CLIC2: variants seen among roughly 807,000 people sequenced by gnomAD.
CLIC2 encodes the protein chloride intracellular channel protein 2.
In CLIC2, 9 loss-of-function variants were observed where a neutral mutation model predicts 14.8. The ratio of observed to expected loss-of-function variants is 0.61; its 90% confidence interval spans 0.37 to 1.06. The LOEUF is 1.06. Ranked by LOEUF, CLIC2 falls within the 50% of genes least tolerant of loss-of-function variation. The pLI is 0.01. For synonymous variants in CLIC2, 61 were observed against 66.3 expected (o/e 0.92, Z 0.39); for missense variants, 148 against 181.4 (o/e 0.82, Z 1.06).
At chrX:155,330,873 G>A (rs1409944939) in intron 1 of CLIC2, among the ~76,000 whole-genome samples, 1 of 109,790 alleles carries the variant, frequency 9.1e-6, no homozygotes, top group Non-Finnish European at 1.9e-5. Flanking sequence ...ATTATGATAG[G>A]AAAGACTAGA....
intron 3 of CLIC2, among the ~76,000 whole-genome samples, chrX:155,282,872 C>A (rs1386778724): frequency 1.8e-5 from 2 of 111,627 alleles, no homozygotes; most frequent in African/African-American, 6.5e-5. Flanking sequence ...CAGCTCCAGG[C>A]TGGCCCCCAT....
intron 1 of CLIC2, among the ~76,000 whole-genome samples, 194 bp from the exon 2 acceptor site, chrX:155,299,339 C>CATA (rs72015229): frequency 2.7e-5 from 3 of 110,062 alleles, no homozygotes; most frequent in East Asian, 2.8e-4. Flanking sequence ...GTGATGGGTA[C>CATA]ATAATAATAA....
At chrX:155,302,131 T>A (rs1321673947) in intron 1 of CLIC2, among the ~76,000 whole-genome samples, 28 of 106,410 alleles carry the variant, frequency 2.6e-4, no homozygotes, top group Admixed American at 2.4e-3. Flanking sequence ...TTTCTATTGA[T>A]TGGAAGAGTT....
chrX:155,280,381 C>A (rs1274327126), intron 3 of CLIC2, among the ~76,000 whole-genome samples: 1 of 112,128 alleles, frequency 8.9e-6, no homozygotes, highest in Non-Finnish European at 1.9e-5. Context: ...AATACATTTG[C>A]AGACATGAGT....
intron 3 of CLIC2, among the ~76,000 whole-genome samples, chrX:155,288,741 T>A (rs1301012745): frequency 3.6e-5 from 4 of 112,256 alleles, no homozygotes; most frequent in African/African-American, 1.3e-4. Context: ...ACAAATACTC[T>A]AAATTCTATA....
intron 1 of CLIC2, among the ~76,000 whole-genome samples, chrX:155,325,765 T>TA (rs1380424857): frequency 4.2e-3 from 64 of 15,280 alleles, no homozygotes; most frequent in African/African-American, 0.032. Flanking sequence ...AAATGTGATA[T>TA]ATATATATAT....
chrX:155,327,876 A>G (rs2075143894), intron 1 of CLIC2, among the ~76,000 whole-genome samples: 2 of 111,918 alleles, frequency 1.8e-5, no homozygotes, highest in African/African-American at 6.5e-5. Flanking sequence ...AATTAATGAG[A>G]TACATCATAT....
rs782649196 is a variant in CLIC2, at chrX:155,307,960, C to T, written c.58-8815G>A. Among the ~76,000 whole-genome samples, 14 of 110,324 alleles carry T rather than the reference C, an allele frequency of 1.3e-4. No homozygotes were observed. In the East Asian group the frequency reaches 3.4e-3, roughly 27 times the overall value. ...CCAAGAACGATGGGTACAAACAGGC[C>T]CAGACTGTGAAGATTACAATAAATA... On this transcript the variant is annotated intron_variant, in intron 1 of 5. Transcript: ENST00000369449.
intron 1 of CLIC2, among the ~76,000 whole-genome samples, chrX:155,330,513 A>G (rs1266874149): frequency 9.0e-5 from 10 of 111,383 alleles, no homozygotes; most frequent in African/African-American, 3.3e-4. Context: ...GAATAACTGA[A>G]ATGAAAAAGA....
chrX:155,304,635 C>T (rs1602947137), intron 1 of CLIC2, among the ~76,000 whole-genome samples: 1 of 103,571 alleles, frequency 9.7e-6, no homozygotes, highest in Non-Finnish European at 2.0e-5. Flanking sequence ...GAACTGCGTT[C>T]CTTTGGAGGA....
chrX:155,317,658 A>T (rs1264330518), intron 1 of CLIC2, among the ~76,000 whole-genome samples: 1 of 112,033 alleles, frequency 8.9e-6, no homozygotes, highest in Non-Finnish European at 1.9e-5. Context: ...TACCAATCCT[A>T]TTGACACTAT....
At chrX:155,320,488 T>G (rs1389468750) in intron 1 of CLIC2, among the ~76,000 whole-genome samples, 3 of 111,790 alleles carry the variant, frequency 2.7e-5, no homozygotes, top group Non-Finnish European at 5.6e-5. Flanking sequence ...GAAGCAAAAC[T>G]AAGATACAGA....
chrX:155,286,889 T>C (rs1261190657), intron 3 of CLIC2, among the ~76,000 whole-genome samples: 1 of 112,645 alleles, frequency 8.9e-6, no homozygotes, highest in Admixed American at 9.4e-5. Context: ...ATGCATAGTT[T>C]GTAAAAATTT....
At chrX:155,300,502 G>A (rs1378469714) in intron 1 of CLIC2, among the ~76,000 whole-genome samples, 12 of 111,331 alleles carry the variant, frequency 1.1e-4, no homozygotes, top group African/African-American at 2.6e-4. Context: ...AGTAGGTTGC[G>A]AAAATTTTCT....
chrX:155,328,868 C>A (rs1233212122), intron 1 of CLIC2, among the ~76,000 whole-genome samples: 1 of 110,118 alleles, frequency 9.1e-6, no homozygotes, highest in East Asian at 2.9e-4. Flanking sequence ...AGATCATACA[C>A]TGGGGAAAGG....
chrX:155,278,087 G>A, intron 5 of CLIC2, 23 bp from the exon 6 acceptor site: 8 of 1,182,967 alleles, frequency 6.8e-6, no homozygotes, highest in Non-Finnish European at 9.2e-6. Flanking sequence ...AAAAAAAAGA[G>A]GAAAAAGAAG....
intron 3 of CLIC2, among the ~76,000 whole-genome samples, chrX:155,285,136 G>A (rs1358231690): frequency 8.9e-6 from 1 of 112,351 alleles, no homozygotes; most frequent in African/African-American, 3.2e-5. Context: ...ATATGGAAGG[G>A]TTCCCATATC....
intron 1 of CLIC2, among the ~76,000 whole-genome samples, chrX:155,316,249 C>T (rs1369076842): frequency 9.0e-6 from 1 of 111,632 alleles, no homozygotes; most frequent in Non-Finnish European, 1.9e-5. Context: ...TTAAACTATA[C>T]CCTAAAACAA....
At chrX:155,310,925 G>A (rs894912299) in intron 1 of CLIC2, among the ~76,000 whole-genome samples, 3 of 112,390 alleles carry the variant, frequency 2.7e-5, no homozygotes, top group Non-Finnish European at 5.6e-5. Flanking sequence ...TACTTTGGCC[G>A]CTTCTAGTCA....
Sources: allele counts gnomAD v4.1 joint callset (sites outside exome capture counted in the v4.1 genomes callset), GRCh38; gene constraint gnomAD v4.1.1; transcripts MANE v1.5; gene names NCBI Gene and HGNC (gene_info 2026-07-23, HGNC 2026-07-21).